The following DYNC2H1 variants were observed in gnomAD, a reference collection of about 807,000 sequenced individuals.
The protein encoded by DYNC2H1 is cytoplasmic dynein 2 heavy chain 1.
DYNC2H1 carries 410 observed loss-of-function variants against 570.0 expected under a neutral mutation model. That is an observed-to-expected ratio of 0.72 (90% confidence interval 0.66 to 0.78). DYNC2H1 has a LOEUF of 0.78. Ranked by LOEUF, DYNC2H1 falls within the 30% of genes least tolerant of loss-of-function variation. The pLI, the probability that DYNC2H1 is intolerant of heterozygous loss-of-function variation, is 0.00. For synonymous variants in DYNC2H1, 1,688 were observed against 1,677.6 expected (o/e 1.01, Z -0.15); for missense variants, 4,865 against 5,046.4 (o/e 0.96, Z 1.09).
intron 82 of DYNC2H1, among the ~76,000 whole-genome samples, chr11:103,345,439 C>A (rs913828628): frequency 6.6e-6 from 1 of 152,202 alleles, no homozygotes; most frequent in Non-Finnish European, 1.5e-5. Flanking sequence ...ATTGTGCGAA[C>A]AGTATGTAAT....
chr11:103,253,396 C>A lies in DYNC2H1; in HGVS notation c.10154C>A (p.Ser3385Tyr). ...PNPFIPPDAASIVTEVNFTTT... is the reference protein window; with the variant it reads ...PNPFIPPDAAYIVTEVNFTTT... ...CCTTTTATTCCACCGGATGCAGCTT[C>A]CATTGTTACTGAGGTTAACTTTACT... Residue 3385 changes from serine to tyrosine, a missense_variant, in exon 66 of 89, where the codon TCC becomes TAC. Physicochemically the swap from Ser to Tyr is moderately radical, Grantham distance 144. This residue lies in a region of DYNC2H1 where 2,401 missense variants were observed against 2,454.6 expected (regional missense o/e 0.98). Transcript: ENST00000375735. 6.2e-7 allele frequency: 1 copy of A among 1,613,196 alleles called. No individual in the cohort carries two copies. Among genetic ancestry groups the A allele is most frequent in the East Asian group, 2.2e-5 (1 of 44,814 alleles).
intron 13 of DYNC2H1, among the ~76,000 whole-genome samples, chr11:103,132,659 T>C (rs1451430064): frequency 6.6e-6 from 1 of 151,852 alleles, no homozygotes; most frequent in Non-Finnish European, 1.5e-5. Context: ...GGTGTGTGTG[T>C]GTGTGTGTGT....
At chr11:103,113,299 A>T (rs1858202873) in intron 1 of DYNC2H1, among the ~76,000 whole-genome samples, 1 of 152,150 alleles carries the variant, frequency 6.6e-6, no homozygotes, top group Admixed American at 6.6e-5. Context: ...CAACGTATAT[A>T]TTGTTTTATG....
At chr11:103,401,570 GA>G (rs1942644609) in intron 84 of DYNC2H1, among the ~76,000 whole-genome samples, 1 of 152,118 alleles carries the variant, frequency 6.6e-6, no homozygotes, top group African/African-American at 2.4e-5. Context: ...GTGACCGCTG[GA>G]ATATGTCTGC....
rs950887766 is a variant in DYNC2H1, at chr11:103,176,293, G to C, written c.5733G>C (p.Thr1911=). The C allele has an allele frequency of 6.5e-7, 1 of 1,548,194 alleles. No homozygotes were observed. Among genetic ancestry groups the C allele is most frequent in the East Asian group, 2.4e-5 (1 of 40,908 alleles). Residue 1911 remains threonine, a synonymous_variant, in exon 37 of 89, where the codon ACG becomes ACC. Transcript: ENST00000375735. ...GGCTTAATACCATGTCAAAGTTTACGTTTACTGATTGCACCCGGTTTGATG... is the reference window on the plus strand; with the variant it reads ...GGCTTAATACCATGTCAAAGTTTACCTTTACTGATTGCACCCGGTTTGATG... ...ALRLNTMSKF[T]FTDCTRFDAL...
Position 103,154,742 on chromosome 11 carries a change from G to A in DYNC2H1, c.3506G>A (p.Arg1169Lys). ...GAATTTTTGATGAACTGGCATGACA[G>A]ATTAAGGAAGGTTGAAGAACATTCA... ...FEEFLMNWHD[R>K]LRKVEEHSVM... The change falls in exon 24 of 89, where the codon AGA becomes AAA. Residue 1169 changes from arginine to lysine, a missense_variant. By Grantham distance (26) the Arg-to-Lys change is conservative. Coordinates refer to ENST00000375735, the MANE Select transcript of DYNC2H1 (RefSeq NM_001377.3). The A allele has an allele frequency of 6.4e-7, 1 of 1,572,622 alleles. No homozygotes were observed. The highest frequency in any genetic ancestry group is 1.2e-5 in the South Asian group (1 of 84,668).
At chr11:103,383,127 G>T (rs1185327290) in intron 83 of DYNC2H1, among the ~76,000 whole-genome samples, 4 of 152,180 alleles carry the variant, frequency 2.6e-5, no homozygotes, top group African/African-American at 9.7e-5. Flanking sequence ...CTTTGGCTGA[G>T]GCTGAGGGTG....
rs1942970334 is a variant in DYNC2H1, at chr11:103,408,764, T to C, written c.12366+8892T>C. Among the ~76,000 whole-genome samples the C allele has an allele frequency of 2.6e-5, 4 of 152,038 alleles. No individual in the cohort carries two copies. The South Asian group carries it at 8.3e-4, about 31-fold the overall frequency. On this transcript the variant is annotated intron_variant, in intron 84 of 88. Coordinates refer to ENST00000375735, the MANE Select transcript of DYNC2H1 (RefSeq NM_001377.3). ...CCGTAGGGTAACTTGTTCAGTTAAA[T>C]TATTGGGTCAATATATGTTAACTCG...
At chr11:103,141,867 C>T (rs59575377) in intron 17 of DYNC2H1, among the ~76,000 whole-genome samples, 7 of 152,230 alleles carry the variant, frequency 4.6e-5, no homozygotes, top group South Asian at 2.1e-4. Flanking sequence ...CCACCCAGTT[C>T]GAGCTTCCCA....
At chr11:103,355,409 T>C (rs1428107664) in intron 82 of DYNC2H1, among the ~76,000 whole-genome samples, 4 of 152,026 alleles carry the variant, frequency 2.6e-5, no homozygotes, top group Non-Finnish European at 5.9e-5. Context: ...AAGAGAAAAT[T>C]AGGATGGGAA....
rs1384753476 is a variant in DYNC2H1 at position 103,257,798 on chromosome 11, C to T, written c.10605+47C>T. On this transcript the variant is annotated intron_variant, in intron 69 of 88. Transcript: ENST00000375735. ...ACCAGAGACTGAATTACAGGGATTACTTTACTAGGGATAGTACTTAATTTA... is the reference window on the plus strand; with the variant it reads ...ACCAGAGACTGAATTACAGGGATTATTTTACTAGGGATAGTACTTAATTTA... 5.6e-6 allele frequency: 8 copies of T among 1,434,182 alleles called. No homozygotes were observed. The African/African-American group carries it at 5.7e-5, about 10-fold the overall frequency. The allele number at this position is 1,434,182 out of a possible 1,614,324, so 88.8% of individuals were successfully genotyped here.
Position 103,287,863 on chromosome 11 carries a change from A to T in DYNC2H1, c.11095+258A>T, listed in dbSNP as rs1468983354. ...GATTTAGCAAGACAGGAGAATTGCC[A>T]TGGAGAAAGAGTAATTCACACAGAG... On this transcript the variant is annotated intron_variant, in intron 75 of 88. Coordinates refer to ENST00000375735, the MANE Select transcript of DYNC2H1 (RefSeq NM_001377.3). 10 of 342,838 alleles carry T rather than the reference A, an allele frequency of 2.9e-5. No homozygotes were observed. In the East Asian group the frequency reaches 4.0e-4, roughly 14 times the overall value. The allele number at this position is 342,838 out of a possible 1,614,324, so 21.2% of individuals were successfully genotyped here. A position where few individuals can be genotyped will look rare whatever the true frequency, so the allele number is the denominator to read the frequency against.
chr11:103,474,832 G>C (rs1456654460), intron 88 of DYNC2H1, among the ~76,000 whole-genome samples: 1 of 152,012 alleles, frequency 6.6e-6, no homozygotes, highest in Non-Finnish European at 1.5e-5. Context: ...CATCCATTGG[G>C]GCCTTGGAAT....
intron 18 of DYNC2H1, among the ~76,000 whole-genome samples, chr11:103,147,245 T>C (rs1860284829): frequency 6.6e-6 from 1 of 152,184 alleles, no homozygotes; most frequent in South Asian, 2.1e-4. Context: ...GCCCACAAAA[T>C]TGAAGATTCA....
intron 18 of DYNC2H1, among the ~76,000 whole-genome samples, chr11:103,144,173 C>T (rs1285490401): frequency 6.6e-6 from 1 of 152,116 alleles, no homozygotes; most frequent in East Asian, 1.9e-4. Flanking sequence ...TAAGTGGGCT[C>T]TGGAGTTAGG....
chr11:103,208,502 T>C (rs777686828), intron 52 of DYNC2H1, among the ~76,000 whole-genome samples: 18 of 152,106 alleles, frequency 1.2e-4, no homozygotes, highest in Non-Finnish European at 2.1e-4. Context: ...TGATATTGCA[T>C]GGTGTGCTTG....
intron 6 of DYNC2H1, among the ~76,000 whole-genome samples, chr11:103,118,754 C>T (rs1858548515): frequency 6.6e-6 from 1 of 152,192 alleles, no homozygotes; most frequent in South Asian, 2.1e-4. Flanking sequence ...TCTCCTGAAA[C>T]ATTTTTAATT....
At chr11:103,125,072 T>G (rs1397867687) in intron 11 of DYNC2H1, 28 bp from the exon 12 acceptor site, 2 of 1,556,744 alleles carry the variant, frequency 1.3e-6, no homozygotes, top group South Asian at 1.2e-5. Flanking sequence ...AACATGAAAC[T>G]TAACAGGTTA....
chr11:103,253,229 T>C (rs1280319090), intron 65 of DYNC2H1, 56 bp from the exon 66 acceptor site: 3 of 1,503,930 alleles, frequency 2.0e-6, no homozygotes, highest in Middle Eastern at 1.8e-4. Context: ...TTTCAAATAT[T>C]GTATAGTGAA....
Sources: gnomAD v4.1 joint callset for allele counts (sites outside exome capture counted in the v4.1 genomes callset) on GRCh38, gnomAD v4.1.1 for gene constraint, gnomAD v4.1.1 regional missense constraint, MANE v1.5 for transcripts, NCBI Gene and HGNC (gene_info 2026-07-23, HGNC 2026-07-21) for gene names.